GMCL1: variants seen among roughly 807,000 people sequenced by gnomAD.
GMCL1 encodes germ cell-less protein-like 1.
GMCL1 carries 54 observed loss-of-function variants against 75.5 expected under a neutral mutation model. That is an observed-to-expected ratio of 0.71 (90% CI 0.57 to 0.90). The LOEUF (loss-of-function observed/expected upper bound fraction) is 0.90. Among genes scored for constraint, GMCL1 ranks in the 40% least tolerant of loss-of-function variants. The probability of loss-of-function intolerance (pLI) is 0.00; values close to 1 mark genes in which losing one functional copy is unlikely to be tolerated. For synonymous variants in GMCL1, 210 were observed against 209.6 expected (o/e 1.00, Z -0.02); for missense variants, 537 against 622.7 (o/e 0.86, Z 1.47).
intron 1 of GMCL1, 32 bp from the exon 2 acceptor site, chr2:69,837,515 T>G (rs1553369466): frequency 7.1e-7 from 1 of 1,410,756 alleles, no homozygotes; most frequent in East Asian, 2.5e-5. Flanking sequence ...CAGTTTTATA[T>G]AAATATGTGA....
rs1676237363 is a variant in GMCL1 at position 69,880,063 on chromosome 2, A to G, written c.*1059A>G. On this transcript the variant is annotated 3_prime_UTR_variant, in exon 14 of 14. Coordinates refer to ENST00000282570, the MANE Select transcript of GMCL1 (RefSeq NM_178439.5). The stretch of plus-strand genomic sequence containing the variant: ...GTAAAAATGGAACTTATTTTTGTCA[A>G]AAATGAGATGTACACTTGTCATGAT... 3 of 152,226 alleles carry G rather than the reference A, an allele frequency of 2.0e-5. No individual in the cohort carries two copies. Among genetic ancestry groups the G allele is most frequent in the Admixed American group, 6.5e-5 (1 of 15,278 alleles). The allele number at this position is 152,226 out of a possible 1,614,324, so 9.4% of individuals were successfully genotyped here.
chr2:69,831,405 CT>C (rs1395151733), intron 1 of GMCL1, among the ~76,000 whole-genome samples: 1 of 151,882 alleles, frequency 6.6e-6, no homozygotes, highest in African/African-American at 2.4e-5. Context: ...TATTCAGTAA[CT>C]TTTTTAATTG....
In GMCL1 at chr2:69,835,548, A is replaced by G. The variant is rs555500746; in HGVS notation, c.261-1999A>G. 2.6e-5 allele frequency among the ~76,000 whole-genome samples: 4 copies of G among 152,168 alleles called. No individual in the cohort carries two copies. In the East Asian group the frequency reaches 5.8e-4, roughly 22 times the overall value. On this transcript the variant is annotated intron_variant, in intron 1 of 13. Transcript: ENST00000282570. Reference sequence around the variant, plus strand: ...GTGTTTTAATTGAGGAAATAGATCTATTTCCAATGTACCTCTTCTTTGAGT... The same window carrying G: ...GTGTTTTAATTGAGGAAATAGATCTGTTTCCAATGTACCTCTTCTTTGAGT...
Position 69,829,683 on chromosome 2 carries a change from C to A in GMCL1, c.-210C>A, listed in dbSNP as rs889069722. The stretch of plus-strand genomic sequence containing the variant: ...GCGCTTTGTTGCGAAAGCGAGGGGG[C>A]GAGGTGCTGCGGTGCTAGAGCGCGG... On this transcript the variant is annotated 5_prime_UTR_variant, in exon 1 of 14. Coordinates refer to ENST00000282570, the MANE Select transcript of GMCL1 (RefSeq NM_178439.5). 1.8e-6 allele frequency: 1 copy of A among 541,980 alleles called. No homozygotes were observed. The highest frequency in any genetic ancestry group is 3.2e-6 in the Non-Finnish European group (1 of 316,194). The allele number at this position is 541,980 out of a possible 1,614,324, so 33.6% of individuals were successfully genotyped here.
intron 8 of GMCL1, among the ~76,000 whole-genome samples, chr2:69,850,600 A>G (rs1675290867): frequency 6.6e-6 from 1 of 152,106 alleles, no homozygotes; most frequent in Non-Finnish European, 1.5e-5. Context: ...TTTCCTAACC[A>G]CTATCTTGAA....
chr2:69,861,711 T>C (rs1675653249), intron 10 of GMCL1, among the ~76,000 whole-genome samples: 1 of 152,186 alleles, frequency 6.6e-6, no homozygotes, highest in African/African-American at 2.4e-5. Context: ...GTAAATCTGT[T>C]TTTCTTATGG....
intron 9 of GMCL1, 53 bp from the exon 10 acceptor site, chr2:69,861,225 C>G (rs1170225501): frequency 1.6e-6 from 2 of 1,245,332 alleles, no homozygotes; most frequent in Non-Finnish European, 2.3e-6. Context: ...TGTTTAAATC[C>G]TTTATGTTCT....
chr2:69,837,984 G>C (rs1174059169), intron 2 of GMCL1, among the ~76,000 whole-genome samples: 1 of 152,114 alleles, frequency 6.6e-6, no homozygotes, highest in African/African-American at 2.4e-5. Flanking sequence ...TTAAAGTTAA[G>C]ATTGTAGTGT....
At chr2:69,842,538 A>G (rs1049974446) in intron 4 of GMCL1, among the ~76,000 whole-genome samples, 1 of 152,164 alleles carries the variant, frequency 6.6e-6, no homozygotes, top group Admixed American at 6.5e-5. Flanking sequence ...TTAACTTAAT[A>G]TACCTGCATG....
rs953081305 is a variant in GMCL1 at position 69,879,552 on chromosome 2, C to T, written c.*548C>T. The T allele has an allele frequency of 6.6e-6, 1 of 152,198 alleles. No individual in the cohort carries two copies. The highest frequency in any genetic ancestry group is 2.4e-5 in the African/African-American group (1 of 41,454). 9.4% of individuals were successfully genotyped at this position (152,198 alleles called of 1,614,324 possible). ...TTCCTCCTTTTAGTCTAATATCTTT[C>T]CAGGTCATACTTGTTTTTAATCATT... On this transcript the variant is annotated 3_prime_UTR_variant, in exon 14 of 14. Transcript: ENST00000282570.
intron 13 of GMCL1, among the ~76,000 whole-genome samples, chr2:69,872,774 G>A (rs1676018180): frequency 6.6e-6 from 1 of 152,196 alleles, no homozygotes; most frequent in African/African-American, 2.4e-5. Context: ...AGAACTCTCT[G>A]TTGGTCCTTC....
Position 69,844,216 on chromosome 2 carries a change from C to G in GMCL1, c.758+20C>G, listed in dbSNP as rs768197007. ...ACTCAGGTATTTGAATTTCAAGTAA[C>G]TTCATAATTAGTCATCCTAAAATAT... On this transcript the variant is annotated intron_variant, in intron 6 of 13. Transcript: ENST00000282570. 1 of 1,328,564 alleles carries G rather than the reference C, an allele frequency of 7.5e-7. No homozygotes were observed. The highest frequency in any genetic ancestry group is 2.1e-5 in the Admixed American group (1 of 48,318). 82.3% of individuals were successfully genotyped at this position (1,328,564 alleles called of 1,614,324 possible).
intron 1 of GMCL1, among the ~76,000 whole-genome samples, chr2:69,830,418 G>C (rs574672751): frequency 6.6e-6 from 1 of 152,346 alleles, no homozygotes; most frequent in East Asian, 1.9e-4. Context: ...CGCCAAGCCC[G>C]AGCTCGCGTC....
At chr2:69,845,474 G>A (rs1675115450) in intron 6 of GMCL1, among the ~76,000 whole-genome samples, 1 of 152,176 alleles carries the variant, frequency 6.6e-6, no homozygotes, top group Non-Finnish European at 1.5e-5. Flanking sequence ...GGGGGCCTTG[G>A]TATGTTGCCC....
intron 6 of GMCL1, among the ~76,000 whole-genome samples, chr2:69,845,955 A>ATTT (rs35362436): frequency 1.4e-5 from 2 of 143,886 alleles, no homozygotes; most frequent in African/African-American, 2.6e-5. Flanking sequence ...AATTTTACTG[A>ATTT]TTTTTTTTTT....
intron 6 of GMCL1, among the ~76,000 whole-genome samples, chr2:69,845,930 G>A (rs535554673): frequency 2.6e-5 from 4 of 151,412 alleles, no homozygotes; most frequent in African/African-American, 9.7e-5. Flanking sequence ...ACATTACATA[G>A]CTTCCCAGAA....
chr2:69,880,265 CTCTTA>C lies in GMCL1; in HGVS notation c.*1262_*1266del, dbSNP rs1676243834. The stretch of plus-strand genomic sequence containing the variant: ...AATGCCCATTTGGAAAAAGAGTAAG[CTCTTA>C]CATAAAATGGACCAAAAAATCCCCC... On this transcript the variant is annotated 3_prime_UTR_variant, in exon 14 of 14. Coordinates refer to ENST00000282570, the MANE Select transcript of GMCL1 (RefSeq NM_178439.5). 6.6e-6 allele frequency: 1 copy of C among 152,028 alleles called. No homozygotes were observed. The highest frequency in any genetic ancestry group is 2.4e-5 in the African/African-American group (1 of 41,384). The allele number at this position is 152,028 out of a possible 1,614,324, so 9.4% of individuals were successfully genotyped here.
intron 2 of GMCL1, among the ~76,000 whole-genome samples, chr2:69,839,077 G>C (rs547977475): frequency 6.6e-6 from 1 of 152,124 alleles, no homozygotes; most frequent in Non-Finnish European, 1.5e-5. Flanking sequence ...TTTCTTTGGC[G>C]ATCATCCTGT....
At chr2:69,845,738 G>A (rs1675121139) in intron 6 of GMCL1, among the ~76,000 whole-genome samples, 1 of 152,200 alleles carries the variant, frequency 6.6e-6, no homozygotes, top group Admixed American at 6.5e-5. Flanking sequence ...TTGTAGTAAT[G>A]GGACTAAGAT....
Sources: gnomAD v4.1 joint callset for allele counts (sites outside exome capture counted in the v4.1 genomes callset) on GRCh38, gnomAD v4.1.1 for gene constraint, MANE v1.5 for transcripts, NCBI Gene and HGNC (gene_info 2026-07-23, HGNC 2026-07-21) for gene names.